The following VPS33A variants were observed in gnomAD, a reference collection of about 807,000 sequenced individuals.
VPS33A encodes vacuolar protein sorting-associated protein 33A.
Under a neutral mutation model 71.8 loss-of-function variants are expected in VPS33A, and 32 were observed. The observed-to-expected ratio is 0.45, with a 90% CI of 0.34 to 0.60. The LOEUF (loss-of-function observed/expected upper bound fraction) is 0.60. Ranked by LOEUF, VPS33A falls within the 20% of genes least tolerant of loss-of-function variation. The pLI is 0.02. For synonymous variants in VPS33A, 311 were observed against 292.7 expected (o/e 1.06, Z -0.64); for missense variants, 625 against 748.5 (o/e 0.84, Z 1.92).
At chr12:122,245,849 T>C (rs1315125977) in intron 6 of VPS33A, among the ~76,000 whole-genome samples, 1 of 152,098 alleles carries the variant, frequency 6.6e-6, no homozygotes, top group Non-Finnish European at 1.5e-5. Flanking sequence ...GACAAGGAGG[T>C]TCCTCTGTAT....
rs780126121 is a variant in VPS33A at position 122,263,713 on chromosome 12, T to A, written c.169-14A>T. ...CACTTCATGTTCCTAGGCAAACACA[T>A]ACACAAAAGGTTAACAAGAAGACTG... On this transcript the variant is annotated splice_polypyrimidine_tract_variant and intron_variant, in intron 2 of 12. Coordinates refer to ENST00000267199, the MANE Select transcript of VPS33A (RefSeq NM_022916.6). The A allele has an allele frequency of 1.2e-5, 19 of 1,592,128 alleles. No individual in the cohort carries two copies. In the South Asian group the frequency reaches 1.6e-4, roughly 13 times the overall value.
chr12:122,256,932 G>A (rs985530361), intron 4 of VPS33A, among the ~76,000 whole-genome samples: 3 of 152,140 alleles, frequency 2.0e-5, no homozygotes, highest in South Asian at 2.1e-4. Flanking sequence ...ATTGCCATAC[G>A]TGGTAGAAAA....
In VPS33A at chr12:122,251,013, G is replaced by A. The variant is rs1438340091; in HGVS notation, c.570C>T (p.Pro190=). The change falls in exon 5 of 13, where the codon CCC becomes CCT. Residue 190 remains proline, a synonymous_variant. Coordinates refer to ENST00000267199, the MANE Select transcript of VPS33A (RefSeq NM_022916.6). ...MTLQALYGTI[P]QIFGKGECAR... is the part of the protein sequence containing the mutation. ...CGCATTCTCCTTTCCCAAAGATCTGGGGGATCGTTCCATACAGAGCTTGCA... is the reference window on the plus strand; with the variant it reads ...CGCATTCTCCTTTCCCAAAGATCTGAGGGATCGTTCCATACAGAGCTTGCA... The A allele has an allele frequency of 3.1e-6, 5 of 1,613,944 alleles. No individual in the cohort carries two copies. Among genetic ancestry groups the A allele is most frequent in the Non-Finnish European group, 4.2e-6 (5 of 1,179,974 alleles).
chr12:122,254,321 G>A (rs773472475), intron 4 of VPS33A, among the ~76,000 whole-genome samples: 2 of 151,854 alleles, frequency 1.3e-5, no homozygotes, highest in African/African-American at 4.8e-5. Context: ...CTCTTAGGTC[G>A]AAGCTCTTAG....
At chr12:122,233,320 AG>A in intron 11 of VPS33A, among the ~76,000 whole-genome samples, 1 of 151,494 alleles carries the variant, frequency 6.6e-6, no homozygotes, top group East Asian at 1.9e-4. Flanking sequence ...CCGCCTCCCT[AG>A]TTCAAGCAAT....
intron 6 of VPS33A, among the ~76,000 whole-genome samples, chr12:122,246,291 T>C (rs1290042354): frequency 1.2e-4 from 14 of 121,654 alleles, no homozygotes; most frequent in Admixed American, 9.8e-4. Context: ...TCTCTCTTAT[T>C]TTATTTATTT....
intron 11 of VPS33A, among the ~76,000 whole-genome samples, chr12:122,234,284 CT>C (rs2136121616): frequency 6.6e-6 from 1 of 151,794 alleles, no homozygotes; most frequent in Non-Finnish European, 1.5e-5. Context: ...TTCCCTTTTT[CT>C]TTTTCTTTTT....
intron 10 of VPS33A, 33 bp downstream of exon 10, chr12:122,238,554 C>A: frequency 1.9e-6 from 3 of 1,592,270 alleles, no homozygotes; most frequent in Non-Finnish European, 2.6e-6. Context: ...TGCTGTCCCC[C>A]TTGGCAAATT....
intron 10 of VPS33A, among the ~76,000 whole-genome samples, chr12:122,236,533 G>A (rs554505785): frequency 8.5e-5 from 13 of 152,256 alleles, no homozygotes; most frequent in Admixed American, 2.0e-4. Flanking sequence ...CCAGCTACTC[G>A]GGAGGCTGAG....
intron 4 of VPS33A, among the ~76,000 whole-genome samples, chr12:122,251,304 G>A (rs1407283444): frequency 6.6e-6 from 1 of 152,246 alleles, no homozygotes; most frequent in Non-Finnish European, 1.5e-5. Context: ...CAGGGTGGGT[G>A]CAGCCGTGGA....
At chr12:122,258,534 A>T (rs555489570) in intron 4 of VPS33A, among the ~76,000 whole-genome samples, 3 of 152,132 alleles carry the variant, frequency 2.0e-5, no homozygotes, top group Non-Finnish European at 4.4e-5. Flanking sequence ...ACCCAATTTT[A>T]AAAATGGGCA....
Position 122,230,650 on chromosome 12 carries a change from A to G in VPS33A, c.*1596T>C, listed in dbSNP as rs1011860721. On this transcript the variant is annotated 3_prime_UTR_variant, in exon 13 of 13. Coordinates refer to ENST00000267199, the MANE Select transcript of VPS33A (RefSeq NM_022916.6). ...AGGTGGGGAAAAACAATGTGTGGTT[A>G]CTAATCAACAACCAAAATCACACCT... 6.6e-6 allele frequency: 1 copy of G among 152,240 alleles called. No individual in the cohort carries two copies. Among genetic ancestry groups the G allele is most frequent in the African/African-American group, 2.4e-5 (1 of 41,472 alleles). The allele number at this position is 152,240 out of a possible 1,614,324, so 9.4% of individuals were successfully genotyped here.
chr12:122,264,445 C>T (rs917698363), intron 1 of VPS33A, among the ~76,000 whole-genome samples: 1 of 152,076 alleles, frequency 6.6e-6, no homozygotes, highest in Non-Finnish European at 1.5e-5. Flanking sequence ...GGCTAGCGTG[C>T]AGTGGTGTGA....
intron 4 of VPS33A, among the ~76,000 whole-genome samples, chr12:122,254,110 AG>A (rs1310549909): frequency 6.6e-6 from 1 of 152,152 alleles, no homozygotes; most frequent in Non-Finnish European, 1.5e-5. Context: ...ATACGCGTAA[AG>A]GCCACAGTAC....
chr12:122,249,738 C>T (rs919019465), intron 6 of VPS33A, 133 bp downstream of exon 6: 3 of 944,544 alleles, frequency 3.2e-6, no homozygotes, highest in African/African-American at 3.4e-5. Context: ...CTGTATTAAT[C>T]TACACTCTGA....
At chr12:122,246,986 G>T (rs1954785544) in intron 6 of VPS33A, among the ~76,000 whole-genome samples, 1 of 152,112 alleles carries the variant, frequency 6.6e-6, no homozygotes, top group Non-Finnish European at 1.5e-5. Flanking sequence ...ACTCAGGTTT[G>T]AAACTATTTG....
chr12:122,262,250 CTCTT>C (rs1955004864), intron 3 of VPS33A, among the ~76,000 whole-genome samples: 2 of 152,142 alleles, frequency 1.3e-5, no homozygotes, highest in African/African-American at 4.8e-5. Flanking sequence ...CACTCTCTCT[CTCTT>C]TCTTCCCCCT....
Position 122,266,435 on chromosome 12 carries a change from A to G in VPS33A, c.-27T>C, listed in dbSNP as rs1955073664. On this transcript the variant is annotated 5_prime_UTR_variant, in exon 1 of 13. Coordinates refer to ENST00000267199, the MANE Select transcript of VPS33A (RefSeq NM_022916.6). ...TTGCTCCACCACCCCCTGCCCCACA[A>G]CGCCAACCGAGTCCGCCGGTTCCTA... The G allele has an allele frequency of 1.3e-6, 2 of 1,593,946 alleles. No individual in the cohort carries two copies. The highest frequency in any genetic ancestry group is 1.3e-5 in the African/African-American group (1 of 74,534).
Position 122,235,814 on chromosome 12 carries a change from C to T in VPS33A, c.1412G>A (p.Arg471His), listed in dbSNP as rs1954622195. The T allele has an allele frequency of 5.0e-6, 8 of 1,613,226 alleles. No individual in the cohort carries two copies. The highest frequency in any genetic ancestry group is 1.3e-5 in the African/African-American group (1 of 74,836). Residue 471 changes from arginine to histidine, a missense_variant, in exon 11 of 13, where the codon CGC becomes CAC. Arg to His is a conservative substitution (Grantham distance 29). Transcript: ENST00000267199. The part of the protein sequence containing the change: ...NNYPTIRKTL[R>H]LWMDDVNEQN... ...CTCATTAACATCATCCATCCAGAGG[C>T]GTAATGTTTTCCGTATAGTTGGGTA...
Sources: allele counts gnomAD v4.1 joint callset (sites outside exome capture counted in the v4.1 genomes callset), GRCh38; gene constraint gnomAD v4.1.1; transcripts MANE v1.5; gene names NCBI Gene and HGNC (gene_info 2026-07-23, HGNC 2026-07-21).